GAREM1: variants seen among roughly 807,000 people sequenced by gnomAD.
GAREM1 encodes the protein GRB2-associated and regulator of MAPK protein 1.
GAREM1 carries 26 observed loss-of-function variants against 71.3 expected under a neutral mutation model. That is an observed-to-expected ratio of 0.36 (90% CI 0.27 to 0.51). The LOEUF (loss-of-function observed/expected upper bound fraction) is 0.51, where lower values mean the gene tolerates loss of function less well. GAREM1 is among the 20% of genes least tolerant of loss of function. The pLI, the probability that GAREM1 is intolerant of heterozygous loss-of-function variation, is 0.95. For synonymous variants in GAREM1, 440 were observed against 433.2 expected, an observed-to-expected ratio of 1.02 and a Z score of -0.20; for missense variants, 1,026 against 1,103.1, an observed-to-expected ratio of 0.93 and a Z score of 0.99.
chr18:32,411,581 T>C (rs2048417684), intron 1 of GAREM1, among the ~76,000 whole-genome samples: 2 of 152,206 alleles, frequency 1.3e-5, no homozygotes, highest in Non-Finnish European at 2.9e-5. Context: ...TCTATAATTT[T>C]ATCTGGTACC....
At chr18:32,322,489 T>C (rs2047438593) in intron 2 of GAREM1, among the ~76,000 whole-genome samples, 1 of 148,972 alleles carries the variant, frequency 6.7e-6, no homozygotes, top group African/African-American at 2.6e-5. Flanking sequence ...CTATAAAGAT[T>C]GGGGTCAGTT....
intron 2 of GAREM1, among the ~76,000 whole-genome samples, chr18:32,355,848 A>G (rs926395727): frequency 6.6e-6 from 1 of 152,220 alleles, no homozygotes; most frequent in African/African-American, 2.4e-5. Context: ...ACAAAAAAGA[A>G]TGCACAGTAC....
intron 3 of GAREM1, among the ~76,000 whole-genome samples, chr18:32,292,394 T>C (rs765343248): frequency 1.9e-4 from 29 of 152,310 alleles, no homozygotes; most frequent in Non-Finnish European, 7.4e-5. Context: ...TGGAAACAAA[T>C]GCAAAATCCA....
At chr18:32,450,769 T>G (rs55941037) in intron 1 of GAREM1, among the ~76,000 whole-genome samples, 21,008 of 152,032 alleles carry the variant, frequency 0.14, 1,797 homozygotes, top group East Asian at 0.39. Flanking sequence ...AAGTTGGGTG[T>G]CGCCATGGGT....
At chr18:32,327,925 T>C (rs749462289) in intron 2 of GAREM1, among the ~76,000 whole-genome samples, 3 of 152,160 alleles carry the variant, frequency 2.0e-5, no homozygotes, top group African/African-American at 4.8e-5. Flanking sequence ...TGAGGCCATA[T>C]AGGTACAATG....
intron 1 of GAREM1, among the ~76,000 whole-genome samples, chr18:32,396,773 C>T (rs564041498): frequency 3.3e-5 from 5 of 151,996 alleles, no homozygotes; most frequent in Non-Finnish European, 5.9e-5. Flanking sequence ...CTAGCAAGGC[C>T]GGCCAACATT....
intron 1 of GAREM1, among the ~76,000 whole-genome samples, chr18:32,451,933 C>T (rs908041765): frequency 6.6e-6 from 1 of 152,164 alleles, no homozygotes; most frequent in African/African-American, 2.4e-5. Flanking sequence ...TTGCTTGATA[C>T]TAGCATTTAG....
At chr18:32,447,837 T>C (rs917272653) in intron 1 of GAREM1, among the ~76,000 whole-genome samples, 4 of 152,218 alleles carry the variant, frequency 2.6e-5, no homozygotes, top group South Asian at 2.1e-4. Context: ...AATTAAAAGA[T>C]GTGCCATGGA....
intron 5 of GAREM1, among the ~76,000 whole-genome samples, chr18:32,269,219 T>C (rs1249156179): frequency 6.6e-6 from 1 of 152,192 alleles, no homozygotes; most frequent in East Asian, 1.9e-4. Flanking sequence ...CGTGACTCTA[T>C]TTCCACCCAA....
rs1236216173 is a variant in GAREM1 at position 32,312,843 on chromosome 18, G to A, written c.263-2520C>T. Among the ~76,000 whole-genome samples the A allele has an allele frequency of 1.3e-5, 2 of 152,106 alleles. 1 individual carries two copies. Among genetic ancestry groups the A allele is most frequent in the Admixed American group, 1.3e-4 (2 of 15,270 alleles). On this transcript the variant is annotated intron_variant, in intron 2 of 5. Transcript: ENST00000269209. ...GAGCTGCCTTCAGACAGGAGCACAG[G>A]CCATTCATCTCCAGCCCCAAGAGAT... is the stretch of plus-strand genomic sequence containing the variant.
At chr18:32,269,763 C>G (rs764676174) in intron 5 of GAREM1, among the ~76,000 whole-genome samples, 24 of 152,042 alleles carry the variant, frequency 1.6e-4, no homozygotes, top group Non-Finnish European at 2.2e-4. Context: ...AAGGAAATGA[C>G]CACTCAACAG....
At chr18:32,439,897 G>A (rs549000586) in intron 1 of GAREM1, among the ~76,000 whole-genome samples, 5 of 152,132 alleles carry the variant, frequency 3.3e-5, no homozygotes, top group Non-Finnish European at 7.4e-5. Context: ...GTGAATGAAG[G>A]TGAATGAAGG....
At chr18:32,436,872 C>T (rs903053254) in intron 1 of GAREM1, among the ~76,000 whole-genome samples, 1 of 152,002 alleles carries the variant, frequency 6.6e-6, no homozygotes, top group Non-Finnish European at 1.5e-5. Flanking sequence ...TTTTCAAATC[C>T]TAACCTCCTT....
Position 32,264,276 on chromosome 18 carries a change from G to A in GAREM1, c.*3595C>T, listed in dbSNP as rs2041343678. 6.6e-6 allele frequency: 1 copy of A among 152,152 alleles called. No individual in the cohort carries two copies. Among genetic ancestry groups the A allele is most frequent in the African/African-American group, 2.4e-5 (1 of 41,424 alleles). 9.4% of individuals were successfully genotyped at this position (152,152 alleles called of 1,614,324 possible). A position where few individuals can be genotyped will look rare whatever the true frequency, so the allele number is the denominator to read the frequency against. On this transcript the variant is annotated 3_prime_UTR_variant, in exon 6 of 6. Coordinates refer to ENST00000269209, the MANE Select transcript of GAREM1 (RefSeq NM_001242409.2). ...GTCCAACAACAGATTTAACTTTTCT[G>A]GTAGACTGAAATTAAAATTTCCTTT... is the stretch of plus-strand genomic sequence containing the variant.
At chr18:32,454,111 C>T (rs1054944679) in intron 1 of GAREM1, among the ~76,000 whole-genome samples, 6 of 151,952 alleles carry the variant, frequency 3.9e-5, no homozygotes, top group Non-Finnish European at 5.9e-5. Context: ...ACACTTTCTC[C>T]ATTAGGGATG....
intron 2 of GAREM1, among the ~76,000 whole-genome samples, chr18:32,345,008 G>A (rs2047680767): frequency 2.0e-5 from 3 of 152,228 alleles, no homozygotes; most frequent in Admixed American, 2.0e-4. Context: ...GTTGCAGTAA[G>A]CCGAGATTGT....
At chr18:32,460,282 TAAC>T (rs1361375361) in intron 1 of GAREM1, among the ~76,000 whole-genome samples, 1 of 152,188 alleles carries the variant, frequency 6.6e-6, no homozygotes, top group African/African-American at 2.4e-5. Context: ...AGCTTAATCA[TAAC>T]AATTTACTGT....
chr18:32,453,646 A>T (rs1354432139), intron 1 of GAREM1, among the ~76,000 whole-genome samples: 1 of 152,132 alleles, frequency 6.6e-6, no homozygotes, highest in African/African-American at 2.4e-5. Flanking sequence ...TTTAAAGCCC[A>T]CTCAGGTAAT....
Position 32,319,113 on chromosome 18 carries a change from C to T in GAREM1, c.263-8790G>A, listed in dbSNP as rs191033767. Among the ~76,000 whole-genome samples, 7 of 152,218 alleles carry T rather than the reference C, an allele frequency of 4.6e-5. No individual in the cohort carries two copies. In the East Asian group the frequency reaches 1.4e-3, roughly 29 times the overall value. On this transcript the variant is annotated intron_variant, in intron 2 of 5. Coordinates refer to ENST00000269209, the MANE Select transcript of GAREM1 (RefSeq NM_001242409.2). ...AATGAATGAACTTTTCTTCTCTTAC[C>T]TTTTTCAGAGACAGGCCACAGACAA...
Sources: gnomAD v4.1 joint callset for allele counts (sites outside exome capture counted in the v4.1 genomes callset) on GRCh38, gnomAD v4.1.1 for gene constraint, MANE v1.5 for transcripts, NCBI Gene and HGNC (gene_info 2026-07-23, HGNC 2026-07-21) for gene names.